Variants in SEZ6 observed in about 807,000 individuals in gnomAD.
The protein encoded by SEZ6 is seizure related 6 homolog, also known as seizure protein 6 homolog.
SEZ6 carries 53 observed loss-of-function variants against 101.0 expected under a neutral mutation model. That is an observed-to-expected ratio of 0.52 (90% confidence interval 0.42 to 0.66). The LOEUF is 0.66. Ranked by LOEUF, SEZ6 falls within the 30% of genes least tolerant of loss-of-function variation. The pLI, the probability that SEZ6 is intolerant of heterozygous loss-of-function variation, is 0.00. For synonymous variants in SEZ6, 488 were observed against 512.2 expected (o/e 0.95, Z 0.64); for missense variants, 1,102 against 1,289.4 (o/e 0.85, Z 2.23).
At chr17:28,994,822 G>A (rs2041513918) in intron 1 of SEZ6, among the ~76,000 whole-genome samples, 1 of 152,144 alleles carries the variant, frequency 6.6e-6, no homozygotes. Context: ...CAGGGGTAGA[G>A]GAGGAGGGGG....
At position 28,957,052 on chromosome 17, in the gene SEZ6, A is replaced by G; in HGVS notation, c.2685T>C (p.Cys895=). The G allele has an allele frequency of 6.3e-7, 1 of 1,592,712 alleles. No homozygotes were observed. The highest frequency in any genetic ancestry group is 8.6e-7 in the Non-Finnish European group (1 of 1,166,778). ...PSHWSDPPPI[C]RAASLDGFYN... is the part of the protein sequence containing the mutation. ...GGGTGACAGGGCACTCACCAGCCCT[A>G]CAGATGGGTGGGGGGTCACTCCAAT... The change falls in exon 13 of 17, where the codon TGT becomes TGC. Residue 895 remains cysteine (C), a synonymous_variant. Transcript: ENST00000317338.
chr17:28,989,528 T>C (rs2041429132), intron 1 of SEZ6, among the ~76,000 whole-genome samples: 1 of 152,186 alleles, frequency 6.6e-6, no homozygotes, highest in Non-Finnish European at 1.5e-5. Context: ...TTATTTATCT[T>C]ATTTTTAGAG....
chr17:28,958,227 C>G, intron 10 of SEZ6, 86 bp from the exon 11 acceptor site: 1 of 1,481,796 alleles, frequency 6.7e-7, no homozygotes, highest in Non-Finnish European at 9.1e-7. Context: ...CTGGCTCCTG[C>G]TAGTTTGTCC....
chr17:29,002,002 G>A (rs1397934613), intron 1 of SEZ6, among the ~76,000 whole-genome samples: 1 of 152,186 alleles, frequency 6.6e-6, no homozygotes, highest in Non-Finnish European at 1.5e-5. Flanking sequence ...TCACATGGGA[G>A]CCTGGGTTCT....
chr17:28,960,590 G>A lies in SEZ6; in HGVS notation c.1491C>T (p.Gly497=). The change falls in exon 7 of 17, where the codon GGC becomes GGT. Residue 497 remains glycine, a synonymous_variant. Transcript: ENST00000317338. ...SYEVEYLPIE[G]LLSSGKHFFV... The stretch of plus-strand genomic sequence containing the variant: ...AGAAGTGTTTGCCAGAGCTGAGCAG[G>A]CCCTCAATGGGCAGGTATTCCACCT... 6.3e-7 allele frequency: 1 copy of A among 1,591,774 alleles called. No homozygotes were observed. The highest frequency in any genetic ancestry group is 8.6e-7 in the Non-Finnish European group (1 of 1,169,448).
chr17:28,957,823 G>C, intron 11 of SEZ6, 124 bp downstream of exon 11: 1 of 1,122,082 alleles, frequency 8.9e-7, no homozygotes, highest in Non-Finnish European at 1.3e-6. Flanking sequence ...AGGAAACTGA[G>C]GCTATAAGAG....
At chr17:28,964,956 T>C (rs901430803) in intron 4 of SEZ6, among the ~76,000 whole-genome samples, 1 of 151,936 alleles carries the variant, frequency 6.6e-6, no homozygotes, top group Non-Finnish European at 1.5e-5. Context: ...CGGGGGAGGC[T>C]GAGGCAGGAG....
At chr17:28,996,725 A>G (rs2041548203) in intron 1 of SEZ6, among the ~76,000 whole-genome samples, 1 of 152,166 alleles carries the variant, frequency 6.6e-6, no homozygotes, top group Non-Finnish European at 1.5e-5. Flanking sequence ...AAATGCACGT[A>G]GACATGGCTA....
rs1308006467 is a variant in SEZ6, at chr17:28,955,814, G to T, written c.*148C>A. The T allele has an allele frequency of 3.2e-6, 3 of 945,320 alleles. No homozygotes were observed. The highest frequency in any genetic ancestry group is 3.3e-5 in the African/African-American group (2 of 61,408). The allele number at this position is 945,320 out of a possible 1,614,324, so 58.6% of individuals were successfully genotyped here. A position where few individuals can be genotyped will look rare whatever the true frequency, so the allele number is the denominator to read the frequency against. ...TGGTGGGCATCGCAGGCGGGGAAGG[G>T]CACAACTTCTTGAGGGCTTGGTGGC... On this transcript the variant is annotated 3_prime_UTR_variant, in exon 17 of 17. Coordinates refer to ENST00000317338, the MANE Select transcript of SEZ6 (RefSeq NM_178860.5).
rs928991259 is a variant in SEZ6, at chr17:29,005,989, G to T, written c.-120C>A. ...GGGTAGAGGGAGCGGGGCCGCAGCCGTCACCGCCGCTGCCGCCGCCAGCGC... is the reference window on the plus strand; with the variant it reads ...GGGTAGAGGGAGCGGGGCCGCAGCCTTCACCGCCGCTGCCGCCGCCAGCGC... On this transcript the variant is annotated 5_prime_UTR_variant, in exon 1 of 17. Coordinates refer to ENST00000317338, the MANE Select transcript of SEZ6 (RefSeq NM_178860.5). This position sits in a 1 kb window ranked among gnomAD's most constrained non-coding sequence, Gnocchi z 4.8. 3 of 835,104 alleles carry T rather than the reference G, an allele frequency of 3.6e-6. No homozygotes were observed. The highest frequency in any genetic ancestry group is 4.7e-6 in the Non-Finnish European group (3 of 633,150). The allele number at this position is 835,104 out of a possible 1,614,324, so 51.7% of individuals were successfully genotyped here.
intron 1 of SEZ6, among the ~76,000 whole-genome samples, chr17:28,982,361 A>C (rs759378128): frequency 8.5e-5 from 13 of 152,186 alleles, no homozygotes; most frequent in African/African-American, 9.7e-5. Context: ...CACACCTGAC[A>C]CCTCAGACTG....
chr17:28,962,876 G>A (rs1460356562), intron 5 of SEZ6, among the ~76,000 whole-genome samples: 2 of 151,762 alleles, frequency 1.3e-5, no homozygotes, highest in African/African-American at 4.8e-5. Context: ...TGTAATCCCA[G>A]CACTTTGGGA....
At chr17:28,996,061 C>T (rs889475702) in intron 1 of SEZ6, among the ~76,000 whole-genome samples, 4 of 150,630 alleles carry the variant, frequency 2.7e-5, no homozygotes, top group African/African-American at 7.3e-5. Context: ...AGTGCAGTGG[C>T]GAGATCTCGG....
At chr17:28,975,487 A>T (rs906012515) in intron 3 of SEZ6, among the ~76,000 whole-genome samples, 1 of 152,240 alleles carries the variant, frequency 6.6e-6, no homozygotes, top group Non-Finnish European at 1.5e-5. Context: ...CTGAAACCCC[A>T]GTCTTACAAG....
intron 5 of SEZ6, among the ~76,000 whole-genome samples, chr17:28,961,644 G>A (rs1259972178): frequency 6.6e-6 from 1 of 152,206 alleles, no homozygotes; most frequent in Non-Finnish European, 1.5e-5. Context: ...GCTTGGGGCT[G>A]TCCTCTCTTT....
chr17:28,982,469 G>A (rs1464146924), intron 1 of SEZ6, among the ~76,000 whole-genome samples: 4 of 152,108 alleles, frequency 2.6e-5, no homozygotes, highest in African/African-American at 4.8e-5. Context: ...TCAAAGTCAC[G>A]CGACCAGTTG....
rs746773558 is a variant in SEZ6, at chr17:28,959,010, T to A, written c.2107+15A>T. 7 of 1,600,380 alleles carry A rather than the reference T, an allele frequency of 4.4e-6. No individual in the cohort carries two copies. In the South Asian group the frequency reaches 4.5e-5, roughly 10 times the overall value. ...CTTGCTGTCTGCACTCTGAGTGGGG[T>A]AGGGACAAGCTCACCAAAGAAGTGG... is the stretch of plus-strand genomic sequence containing the variant. On this transcript the variant is annotated intron_variant, in intron 10 of 16. Coordinates refer to ENST00000317338, the MANE Select transcript of SEZ6 (RefSeq NM_178860.5). The surrounding 1 kb of genome is among the most constrained non-coding windows in gnomAD (Gnocchi z 4.4).
intron 1 of SEZ6, among the ~76,000 whole-genome samples, chr17:28,997,565 C>T (rs776091124): frequency 3.9e-5 from 6 of 152,164 alleles, no homozygotes; most frequent in Non-Finnish European, 7.3e-5. Context: ...GCTGCCTCAG[C>T]GGTCCAGCTC....
chr17:28,979,177 CCCAGGG>C (rs1260119241), intron 3 of SEZ6, among the ~76,000 whole-genome samples: 1 of 152,048 alleles, frequency 6.6e-6, no homozygotes, highest in African/African-American at 2.4e-5. Context: ...GATGAGATAA[CCCAGGG>C]AGGCTGGGGA....
Sources: allele counts gnomAD v4.1 joint callset (sites outside exome capture counted in the v4.1 genomes callset), GRCh38; gene constraint gnomAD v4.1.1; non-coding constraint Gnocchi (gnomAD v3.1); transcripts MANE v1.5; gene names NCBI Gene and HGNC (gene_info 2026-07-23, HGNC 2026-07-21).